HRC: variants seen among roughly 807,000 people sequenced by gnomAD.
HRC encodes sarcoplasmic reticulum histidine-rich calcium-binding protein.
A neutral mutation model predicts 61.4 loss-of-function variants in HRC; 41 were observed. The observed-to-expected ratio is 0.67, with a 90% CI of 0.52 to 0.87. The LOEUF (loss-of-function observed/expected upper bound fraction) is 0.87. Among genes scored for constraint, HRC ranks in the 40% least tolerant of loss-of-function variants. HRC has a pLI of 0.00. For missense variants in HRC, 839 were observed against 885.8 expected (o/e 0.95, Z 0.67); for synonymous variants, 308 against 326.6 (o/e 0.94, Z 0.62).
Position 49,151,362 on chromosome 19 carries a change from G to C in HRC, c.2064-30C>G, listed in dbSNP as rs376831969. 166 of 1,556,042 alleles carry C rather than the reference G, an allele frequency of 1.1e-4. 3 individuals carry two copies. In the East Asian group the frequency reaches 1.1e-3, roughly 10 times the overall value. On this transcript the variant is annotated intron_variant, in intron 5 of 5. Transcript: ENST00000252825. ...AGACGAGAACGCCAGAAGTTAGACA[G>C]CTGGTGTTCAAAGCCCACCCCAGGA...
chr19:49,154,227 G>C lies in HRC; in HGVS notation c.1011C>G (p.His337Gln), dbSNP rs753139998. 6.6e-5 allele frequency: 107 copies of C among 1,612,284 alleles called. No homozygotes were observed. Among genetic ancestry groups the C allele is most frequent in the Non-Finnish European group, 8.2e-5 (97 of 1,179,438 alleles). The change falls in exon 1 of 6, where the codon CAC (histidine) becomes CAG (glutamine). Residue 337 changes from histidine (H) to glutamine (Q), a missense_variant. His to Gln is a conservative substitution (Grantham distance 24). Coordinates refer to ENST00000252825, the MANE Select transcript of HRC (RefSeq NM_002152.3). The stretch of plus-strand genomic sequence containing the variant: ...GGTGCCTGTGGTCAGGGACATGATG[G>C]TGGTGTTCACCTGAGACAGCCTCAA... ...EEVEAVSGEH[H>Q]HHVPDHRHQG...
At chr19:49,151,763 C>T (rs759347005) in intron 4 of HRC, among the ~76,000 whole-genome samples, 3 of 152,158 alleles carry the variant, frequency 2.0e-5, no homozygotes, top group East Asian at 1.9e-4. Flanking sequence ...TTGAGTTGGC[C>T]TCGCCCATTA....
chr19:49,155,355 C>CTCA lies in HRC; in HGVS notation c.-119_-118insTGA. The stretch of plus-strand genomic sequence containing the variant: ...TCTCTGTGTCTCTCCTTTGTCCTTT[C>CTCA]GGTCTCTGTCCACCTTCCTCTGGTC... On this transcript the variant is annotated 5_prime_UTR_variant, in exon 1 of 6. Coordinates refer to ENST00000252825, the MANE Select transcript of HRC (RefSeq NM_002152.3). This position sits in a 1 kb window ranked among gnomAD's most constrained non-coding sequence, Gnocchi z 4.7. 4 of 1,364,038 alleles carry CTCA rather than the reference C, an allele frequency of 2.9e-6. No individual in the cohort carries two copies. Among genetic ancestry groups the CTCA allele is most frequent in the Non-Finnish European group, 3.9e-6 (4 of 1,035,444 alleles). 84.5% of individuals were successfully genotyped at this position (1,364,038 alleles called of 1,614,324 possible).
At chr19:49,152,167 G>A (rs1243749667) in intron 3 of HRC, 109 bp from the exon 4 acceptor site, 3 of 1,287,626 alleles carry the variant, frequency 2.3e-6, no homozygotes, top group Non-Finnish European at 3.4e-6. Flanking sequence ...GGTTAAGGTT[G>A]GAGTCAGGAT....
Position 49,151,528 on chromosome 19 carries a change from C to A in HRC, c.2052G>T (p.Ser684=). The A allele has an allele frequency of 6.2e-7, 1 of 1,613,822 alleles. No individual in the cohort carries two copies. The highest frequency in any genetic ancestry group is 8.5e-7 in the Non-Finnish European group (1 of 1,179,996). The change falls in exon 5 of 6, where the codon TCG becomes TCT. Residue 684 remains serine (S), a synonymous_variant. Transcript: ENST00000252825. ...TTTTACACACTTACTGATAAAGGGA[C>A]GAGGAGAAATAGTCAACGTAGCTTC... ...APGSYVDYFS[S]SLYQALADML...
rs779421982 is a variant in HRC at position 49,155,093 on chromosome 19, G to T, written c.145C>A (p.Leu49Ile). ...AGCTCTGCTGATGCCTCCTCGGAGA[G>T]CCCGGCGACTCCAGTGCTGTTGTTC... The part of the protein sequence containing the change: ...NRNNSTGVAG[L>I]SEEASAELRH... Residue 49 changes from leucine (L) to isoleucine (I), a missense_variant, in exon 1 of 6, where the codon CTC (leucine) becomes ATC (isoleucine). By Grantham distance (5) the Leu-to-Ile change is conservative (BLOSUM62 2). Coordinates refer to ENST00000252825, the MANE Select transcript of HRC (RefSeq NM_002152.3). This position sits in a 1 kb window ranked among gnomAD's most constrained non-coding sequence, Gnocchi z 4.7. The T allele has an allele frequency of 6.2e-7, 1 of 1,614,174 alleles. No homozygotes were observed. The highest frequency in any genetic ancestry group is 1.3e-5 in the African/African-American group (1 of 75,064).
Position 49,154,812 on chromosome 19 carries a change from C to T in HRC, c.426G>A (p.Thr142=), listed in dbSNP as rs767072386. 18 of 1,613,506 alleles carry T rather than the reference C, an allele frequency of 1.1e-5. No individual in the cohort carries two copies. The highest frequency in any genetic ancestry group is 6.7e-5 in the East Asian group (3 of 44,850). Residue 142 remains threonine, a synonymous_variant, in exon 1 of 6, where the codon ACG becomes ACA. Coordinates refer to ENST00000252825, the MANE Select transcript of HRC (RefSeq NM_002152.3). ...GGTGCCTGTGCTCAGCTGAGTCTTCCGTGTCTTCACTCCCGTGGCCTCTGT... is the reference window on the plus strand; with the variant it reads ...GGTGCCTGTGCTCAGCTGAGTCTTCTGTGTCTTCACTCCCGTGGCCTCTGT... ...RGHRGHGSED[T]EDSAEHRHHL... is the part of the protein sequence containing the mutation.
chr19:49,151,426 G>A lies in HRC; in HGVS notation c.2063+91C>T, dbSNP rs554696356. ...TTAACCTGCCCATTTCATGGACGGG[G>A]AAATGGAGTCCCAGAGTCATCTGAT... On this transcript the variant is annotated intron_variant, in intron 5 of 5. Transcript: ENST00000252825. 2.5e-5 allele frequency: 40 copies of A among 1,579,226 alleles called. No homozygotes were observed. The East Asian group carries it at 3.4e-4, about 13-fold the overall frequency.
rs145441002 is a variant in HRC, at chr19:49,155,030, C to T, written c.208G>A (p.Glu70Lys). The change falls in exon 1 of 6, where the codon GAG becomes AAG. Residue 70 changes from glutamate (E) to lysine (K), a missense_variant. Physicochemically the swap from Glu to Lys is moderately conservative, Grantham distance 56. Coordinates refer to ENST00000252825, the MANE Select transcript of HRC (RefSeq NM_002152.3). The surrounding 1 kb of genome is among the most constrained non-coding windows in gnomAD (Gnocchi z 4.7). The stretch of plus-strand genomic sequence containing the variant: ...TTCTCTGTGGAAACATCCTTGTTCT[C>T]ATCTGGATGGTCTCTAGGGCTGTGG... ...HLHSPRDHPD[E>K]NKDVSTENGH... 1.2e-5 allele frequency: 19 copies of T among 1,614,200 alleles called. No homozygotes were observed. Among genetic ancestry groups the T allele is most frequent in the Non-Finnish European group, 1.4e-5 (17 of 1,180,032 alleles).
rs1007980305 is a variant in HRC at position 49,155,356 on chromosome 19, G to C, written c.-119C>G. 7.3e-7 allele frequency: 1 copy of C among 1,362,870 alleles called. No homozygotes were observed. Among genetic ancestry groups the C allele is most frequent in the Non-Finnish European group, 9.7e-7 (1 of 1,034,614 alleles). The allele number at this position is 1,362,870 out of a possible 1,614,324, so 84.4% of individuals were successfully genotyped here. On this transcript the variant is annotated 5_prime_UTR_variant, in exon 1 of 6. Coordinates refer to ENST00000252825, the MANE Select transcript of HRC (RefSeq NM_002152.3). The surrounding 1 kb of genome is among the most constrained non-coding windows in gnomAD (Gnocchi z 4.7). ...CTCTGTGTCTCTCCTTTGTCCTTTC[G>C]GTCTCTGTCCACCTTCCTCTGGTCC...
chr19:49,151,838 G>T (rs1600361382), intron 4 of HRC, 166 bp downstream of exon 4: 2 of 693,200 alleles, frequency 2.9e-6, no homozygotes, highest in Non-Finnish European at 5.0e-6. Context: ...ACTCCACCTG[G>T]TGTTCCTCGA....
Position 49,152,059 on chromosome 19 carries a change from C to G in HRC, c.1972-1G>C. On this transcript the variant is annotated splice_acceptor_variant, in intron 3 of 5. Coordinates refer to ENST00000252825, the MANE Select transcript of HRC (RefSeq NM_002152.3). LOFTEE classifies it high-confidence loss of function. The stretch of plus-strand genomic sequence containing the variant: ...GGCAGAGATAGCAGAACTGACAGTG[C>G]TGGAGGCGGGGACGGGGAGAGAGAG... 6.2e-7 allele frequency: 1 copy of G among 1,614,060 alleles called. No homozygotes were observed. The highest frequency in any genetic ancestry group is 8.5e-7 in the Non-Finnish European group (1 of 1,179,946).
rs1438082277 is a variant in HRC at position 49,155,357 on chromosome 19, G to A, written c.-120C>T. 2 of 1,358,838 alleles carry A rather than the reference G, an allele frequency of 1.5e-6. No individual in the cohort carries two copies. The highest frequency in any genetic ancestry group is 1.9e-6 in the Non-Finnish European group (2 of 1,030,826). The allele number at this position is 1,358,838 out of a possible 1,614,324, so 84.2% of individuals were successfully genotyped here. On this transcript the variant is annotated 5_prime_UTR_variant, in exon 1 of 6. Transcript: ENST00000252825. The surrounding 1 kb of genome is among the most constrained non-coding windows in gnomAD (Gnocchi z 4.7). The stretch of plus-strand genomic sequence containing the variant: ...TCTGTGTCTCTCCTTTGTCCTTTCG[G>A]TCTCTGTCCACCTTCCTCTGGTCCT...
At position 49,153,818 on chromosome 19, in the gene HRC, T is replaced by C. The variant is rs140904909; in HGVS notation, c.1420A>G (p.Arg474Gly). Residue 474 changes from arginine to glycine, a missense_variant, in exon 1 of 6, where the codon AGA becomes GGA. Arg to Gly is a moderately radical substitution (Grantham distance 125). Coordinates refer to ENST00000252825, the MANE Select transcript of HRC (RefSeq NM_002152.3). This position sits in a 1 kb window ranked among gnomAD's most constrained non-coding sequence, Gnocchi z 4.8. ...HPPGHTVVKD[R>G]SHLRKDDSEE... ...GAATCATCCTTCCTCAAATGGCTTCTATCCTTGACCACTGTGTGTCCTGGG... is the reference window on the plus strand; with the variant it reads ...GAATCATCCTTCCTCAAATGGCTTCCATCCTTGACCACTGTGTGTCCTGGG... 3.6e-5 allele frequency: 58 copies of C among 1,614,150 alleles called. No individual in the cohort carries two copies. The African/African-American group carries it at 6.1e-4, about 17-fold the overall frequency.
In HRC at chr19:49,151,560, G is replaced by T; in HGVS notation, c.2027-7C>A. ...AAATAGTCAACGTAGCTTCCTGTGG[G>T]ACAGCAGAGAAAAGAGGCTTGAGGG... On this transcript the variant is annotated splice_region_variant and splice_polypyrimidine_tract_variant and intron_variant, in intron 4 of 5. Transcript: ENST00000252825. 1 of 1,613,440 alleles carries T rather than the reference G, an allele frequency of 6.2e-7. No homozygotes were observed. Among genetic ancestry groups the T allele is most frequent in the Non-Finnish European group, 8.5e-7 (1 of 1,179,970 alleles).
chr19:49,154,882 G>A lies in HRC; in HGVS notation c.356C>T (p.Ser119Leu). 6.2e-7 allele frequency: 1 copy of A among 1,614,158 alleles called. No homozygotes were observed. Among genetic ancestry groups the A allele is most frequent in the Non-Finnish European group, 8.5e-7 (1 of 1,180,024 alleles). Residue 119 changes from serine (S) to leucine (L), a missense_variant, in exon 1 of 6, where the codon TCA becomes TTA. Ser to Leu is a moderately radical substitution (Grantham distance 145). Coordinates refer to ENST00000252825, the MANE Select transcript of HRC (RefSeq NM_002152.3). The part of the protein sequence containing the change: ...QDHKVGDEGV[S>L]GEEVFAEHGG... The stretch of plus-strand genomic sequence containing the variant: ...ATGCTCTGCAAAGACCTCCTCACCT[G>A]AGACACCCTCATCTCCGACTTTGTG...
At chr19:49,152,861 A>G (rs984423957) in intron 2 of HRC, among the ~76,000 whole-genome samples, 1 of 150,060 alleles carries the variant, frequency 6.7e-6, no homozygotes, top group Non-Finnish European at 1.5e-5. Flanking sequence ...GTGAGCCACC[A>G]CACCCGGCCC....
chr19:49,152,229 G>A, intron 3 of HRC, 81 bp downstream of exon 3: 1 of 1,396,094 alleles, frequency 7.2e-7, no homozygotes, highest in Non-Finnish European at 1.0e-6. Context: ...TCAGAGGCCA[G>A]GATTTAGGGC....
chr19:49,151,973 C>T (rs2041364502), intron 4 of HRC, 31 bp downstream of exon 4: 1 of 1,610,044 alleles, frequency 6.2e-7, no homozygotes, highest in Non-Finnish European at 8.5e-7. Context: ...GCACCTTCCT[C>T]AGGTTTTTCC....
Sources: allele counts gnomAD v4.1 joint callset (sites outside exome capture counted in the v4.1 genomes callset), GRCh38; gene constraint gnomAD v4.1.1; non-coding constraint Gnocchi (gnomAD v3.1); transcripts MANE v1.5; gene names NCBI Gene and HGNC (gene_info 2026-07-23, HGNC 2026-07-21).